The following SYNPR variants were observed in gnomAD, a reference collection of about 807,000 sequenced individuals.
SYNPR encodes the protein synaptoporin.
A neutral mutation model predicts 32.9 loss-of-function variants in SYNPR; 23 were observed. That is an observed-to-expected ratio of 0.70 (90% CI 0.50 to 0.99). SYNPR has a LOEUF of 0.99. Ranked by LOEUF, SYNPR falls within the 50% of genes least tolerant of loss-of-function variation. The probability of loss-of-function intolerance (pLI) is 0.00; values close to 1 mark genes in which losing one functional copy is unlikely to be tolerated. For synonymous variants in SYNPR, 146 were observed against 135.9 expected (o/e 1.07, Z -0.52); for missense variants, 318 against 349.3 (o/e 0.91, Z 0.71).
At chr3:63,469,258 G>T (rs1700749980) in intron 2 of SYNPR, among the ~76,000 whole-genome samples, 1 of 152,114 alleles carries the variant, frequency 6.6e-6, no homozygotes. Context: ...CAGTCATTCT[G>T]TATTATCATG....
intron 2 of SYNPR, among the ~76,000 whole-genome samples, chr3:63,280,515 T>TA (rs74513168): frequency 1.1e-3 from 160 of 145,434 alleles, no homozygotes; most frequent in East Asian, 2.6e-3. Flanking sequence ...CTTCCAAGCC[T>TA]AAAAAAAAAA....
At chr3:63,414,194 T>C (rs1575632098) in intron 2 of SYNPR, among the ~76,000 whole-genome samples, 1 of 152,106 alleles carries the variant, frequency 6.6e-6, no homozygotes, top group South Asian at 2.1e-4. Context: ...CTTACAGTGA[T>C]TTAATAACAG....
intron 2 of SYNPR, among the ~76,000 whole-genome samples, chr3:63,259,626 G>A (rs2086420270): frequency 6.6e-6 from 1 of 152,136 alleles, no homozygotes; most frequent in African/African-American, 2.4e-5. Flanking sequence ...CATACTGAAT[G>A]GGCAAAAACT....
chr3:63,430,325 T>C (rs975232246), intron 2 of SYNPR, among the ~76,000 whole-genome samples: 6 of 151,736 alleles, frequency 4.0e-5, no homozygotes, highest in Non-Finnish European at 8.8e-5. Context: ...AGTTTGTTCA[T>C]TCCATATTTT....
chr3:63,333,495 C>T (rs372794884), intron 2 of SYNPR, among the ~76,000 whole-genome samples: 1 of 152,282 alleles, frequency 6.6e-6, no homozygotes, highest in African/African-American at 2.4e-5. Context: ...CAGTTCACCG[C>T]ACCCTCAACC....
intron 2 of SYNPR, among the ~76,000 whole-genome samples, chr3:63,339,779 A>T (rs1356129209): frequency 6.6e-6 from 1 of 151,124 alleles, no homozygotes; most frequent in Admixed American, 6.6e-5. Context: ...TGCCTCAGCC[A>T]TCTGAGTGGC....
At chr3:63,547,727 A>G (rs762379496) in intron 3 of SYNPR, among the ~76,000 whole-genome samples, 1 of 152,202 alleles carries the variant, frequency 6.6e-6, no homozygotes, top group African/African-American at 2.4e-5. Flanking sequence ...GATACAAACA[A>G]TTGATAACAT....
chr3:63,247,849 A>T (rs1285656487), intron 1 of SYNPR, among the ~76,000 whole-genome samples: 1 of 152,188 alleles, frequency 6.6e-6, no homozygotes, highest in Non-Finnish European at 1.5e-5. Context: ...GAGCAGCTGC[A>T]GAGAAAGGAG....
chr3:63,337,493 T>C (rs2087310278), intron 2 of SYNPR, among the ~76,000 whole-genome samples: 3 of 152,112 alleles, frequency 2.0e-5, no homozygotes, highest in Admixed American at 2.0e-4. Context: ...TACCATATAA[T>C]AGAGCAATAC....
At chr3:63,377,394 A>C (rs971411255) in intron 2 of SYNPR, among the ~76,000 whole-genome samples, 25 of 152,094 alleles carry the variant, frequency 1.6e-4, no homozygotes, top group African/African-American at 6.0e-4. Flanking sequence ...TAAGATAAGA[A>C]AAGAAGCCTT....
intron 2 of SYNPR, among the ~76,000 whole-genome samples, chr3:63,371,836 C>G (rs752535989): frequency 6.6e-6 from 1 of 152,228 alleles, no homozygotes; most frequent in Non-Finnish European, 1.5e-5. Flanking sequence ...AGAGACAACC[C>G]ACAGCCCGTC....
At chr3:63,278,624 C>T in intron 1 of SYNPR, 53 bp from the exon 2 acceptor site, 1 of 1,550,786 alleles carries the variant, frequency 6.4e-7, no homozygotes, top group Non-Finnish European at 8.7e-7. Context: ...GAGAGGCGCC[C>T]CCAGCCCCTT....
At chr3:63,555,287 C>CCTTTTTATTTTGAGACGGAGTCTCGCT (rs1553646594) in intron 3 of SYNPR, among the ~76,000 whole-genome samples, 1 of 150,440 alleles carries the variant, frequency 6.6e-6, no homozygotes. Flanking sequence ...AAAAATACTT[C>CCTTTTTATTTTGAGACGGAGTCTCGCT]CTAAGTATAA....
upstream of SYNPR, among the ~76,000 whole-genome samples, chr3:63,227,040 A>T (rs964797593): frequency 4.6e-5 from 7 of 152,234 alleles, no homozygotes; most frequent in Non-Finnish European, 7.3e-5. Context: ...AAATGTATTT[A>T]AAAAAGCAGG....
chr3:63,574,241 C>T (rs1302325927), intron 4 of SYNPR, among the ~76,000 whole-genome samples: 3 of 152,044 alleles, frequency 2.0e-5, no homozygotes, highest in Non-Finnish European at 2.9e-5. Context: ...AATTTATTTC[C>T]CACATTTTGC....
At chr3:63,318,923 G>A (rs990773051) in intron 2 of SYNPR, among the ~76,000 whole-genome samples, 1 of 151,998 alleles carries the variant, frequency 6.6e-6, no homozygotes, top group Non-Finnish European at 1.5e-5. Flanking sequence ...GAAGGCTGTT[G>A]TTCAGATTCT....
chr3:63,544,161 G>A (rs1358502545), intron 3 of SYNPR, among the ~76,000 whole-genome samples: 1 of 152,058 alleles, frequency 6.6e-6, no homozygotes, highest in Non-Finnish European at 1.5e-5. Context: ...TACATGTCAT[G>A]TTACAAATAC....
upstream of SYNPR, among the ~76,000 whole-genome samples, chr3:63,275,509 A>G (rs932166309): frequency 2.0e-5 from 3 of 152,220 alleles, no homozygotes; most frequent in Non-Finnish European, 2.9e-5. Flanking sequence ...CATATTAGTC[A>G]GAAGGAACAC....
At chr3:63,439,768 G>T (rs903461949) in intron 2 of SYNPR, among the ~76,000 whole-genome samples, 3 of 152,170 alleles carry the variant, frequency 2.0e-5, no homozygotes, top group Middle Eastern at 3.2e-3. Flanking sequence ...GAATATGAAT[G>T]AATCAATTGC....
Sources: allele counts gnomAD v4.1 joint callset (sites outside exome capture counted in the v4.1 genomes callset), GRCh38; gene constraint gnomAD v4.1.1; transcripts MANE v1.5; gene names NCBI Gene and HGNC (gene_info 2026-07-23, HGNC 2026-07-21).